Variants in INTS15 observed in about 807,000 individuals in gnomAD.
The protein encoded by INTS15 is integrator complex subunit 15, also known as uncharacterized protein C7orf26.
At chr7:6,607,879 G>A in the INTS15 span, 19 of 1,566,686 alleles carry the variant, frequency 1.2e-5, no homozygotes, top group Non-Finnish European at 1.7e-6. The surrounding 1 kb of genome is among the most constrained non-coding windows in gnomAD (Gnocchi z 6.0). Flanking sequence ...GCGGGGTGCG[G>A]GGGGACGGGG....
chr7:6,593,479 C>T, the INTS15 span, among the ~76,000 whole-genome samples: 1 of 150,968 alleles, frequency 6.6e-6, no homozygotes, highest in Non-Finnish European at 1.5e-5. Context: ...TACAGGCGCC[C>T]ACCATCAGTG....
the INTS15 span, among the ~76,000 whole-genome samples, chr7:6,594,091 C>T: frequency 1.4e-4 from 20 of 143,302 alleles, no homozygotes; most frequent in African/African-American, 5.3e-4. Context: ...TTACTGCAAC[C>T]TCTGCTTCCC....
At chr7:6,606,776 GC>G in the INTS15 span, among the ~76,000 whole-genome samples, 1 of 151,310 alleles carries the variant, frequency 6.6e-6, no homozygotes, top group South Asian at 2.1e-4. Context: ...ATGGCTCATG[GC>G]TCACTGCAGC....
the INTS15 span, among the ~76,000 whole-genome samples, chr7:6,594,824 A>T: frequency 1.3e-5 from 2 of 151,626 alleles, no homozygotes; most frequent in Non-Finnish European, 2.9e-5. Context: ...AGGTTCAAGC[A>T]GTTCTCCTGC....
chr7:6,591,299 A>G, the INTS15 span, among the ~76,000 whole-genome samples: 1 of 136,448 alleles, frequency 7.3e-6, no homozygotes, highest in East Asian at 2.1e-4. Context: ...ACGGAGTCTC[A>G]CTCTGTCACC....
At chr7:6,608,402 A>C in the INTS15 span, 1 of 1,385,484 alleles carries the variant, frequency 7.2e-7, no homozygotes, top group Non-Finnish European at 9.3e-7. Flanking sequence ...GCATTTTTAA[A>C]AGATGCCGAT....
At chr7:6,607,503 G>A in the INTS15 span, 9 of 1,303,104 alleles carry the variant, frequency 6.9e-6, no homozygotes, top group Admixed American at 4.6e-5. This position sits in a 1 kb window ranked among gnomAD's most constrained non-coding sequence, Gnocchi z 6.0. Context: ...GGCCGTCCCC[G>A]AGGGGGCCGC....
chr7:6,593,656 T>C, the INTS15 span, among the ~76,000 whole-genome samples: 2 of 149,952 alleles, frequency 1.3e-5, 1 homozygote, highest in South Asian at 4.2e-4. Flanking sequence ...TCTGTTTTTT[T>C]TTTTTTTTTT....
chr7:6,594,634 G>A, the INTS15 span: 3 of 1,603,024 alleles, frequency 1.9e-6, no homozygotes, highest in South Asian at 3.3e-5. Context: ...TATGGAAGAA[G>A]CTTCAGTCAA....
chr7:6,590,044 G>A, the INTS15 span: 386 of 238,242 alleles, frequency 1.6e-3, 1 homozygote, highest in Non-Finnish European at 2.6e-3. Context: ...TCGGCTGCGC[G>A]GCGGCAGCTC....
chr7:6,598,853 C>A, the INTS15 span, among the ~76,000 whole-genome samples: 1 of 150,232 alleles, frequency 6.7e-6, no homozygotes, highest in Non-Finnish European at 1.5e-5. Context: ...GTGGGACAGC[C>A]ACAGCTGACT....
At chr7:6,594,680 A>G in the INTS15 span, 59 of 1,350,034 alleles carry the variant, frequency 4.4e-5, no homozygotes, top group Non-Finnish European at 6.0e-5. Flanking sequence ...ACCCAGGTGA[A>G]GTGTCCAGTG....
chr7:6,599,713 T>C, the INTS15 span: 1 of 994,080 alleles, frequency 1.0e-6, no homozygotes, highest in Non-Finnish European at 1.5e-6. Flanking sequence ...GGAGGCGTGA[T>C]CCAGACCATC....
chr7:6,606,024 T>C, the INTS15 span, among the ~76,000 whole-genome samples: 1 of 152,076 alleles, frequency 6.6e-6, no homozygotes, highest in Non-Finnish European at 1.5e-5. Context: ...TGACAGTCTC[T>C]GTGTTCACCG....
chr7:6,607,913 G>A, the INTS15 span: 2 of 1,593,014 alleles, frequency 1.3e-6, no homozygotes, highest in Non-Finnish European at 1.7e-6. The surrounding 1 kb of genome is among the most constrained non-coding windows in gnomAD (Gnocchi z 6.0). Flanking sequence ...CGCACCTGCG[G>A]AGTCCCCGGA....
the INTS15 span, chr7:6,591,606 A>T: frequency 6.4e-7 from 1 of 1,565,746 alleles, no homozygotes; most frequent in South Asian, 1.1e-5. Context: ...AGTACGTTAC[A>T]GCCACATTTC....
chr7:6,590,233 C>G, the INTS15 span: 6 of 1,411,984 alleles, frequency 4.2e-6, no homozygotes, highest in Non-Finnish European at 5.5e-6. Context: ...CAGTCCCGGG[C>G]CCCGGGCGGA....
the INTS15 span, chr7:6,590,078 A>C: frequency 3.1e-6 from 1 of 323,796 alleles, no homozygotes; most frequent in Non-Finnish European, 5.4e-6. Context: ...GCGGCGCCGC[A>C]GTCGGACCTT....
At chr7:6,592,520 T>A in the INTS15 span, among the ~76,000 whole-genome samples, 1 of 151,690 alleles carries the variant, frequency 6.6e-6, no homozygotes, top group African/African-American at 2.4e-5. Flanking sequence ...TGAGCCGAGA[T>A]TGTGTCACTG....
Sources: allele counts gnomAD v4.1 joint callset (sites outside exome capture counted in the v4.1 genomes callset), GRCh38; gene constraint gnomAD v4.1.1; non-coding constraint Gnocchi (gnomAD v3.1); transcripts MANE v1.5; gene names NCBI Gene and HGNC (gene_info 2026-07-23, HGNC 2026-07-21).